CCDC192: variants seen among roughly 807,000 people sequenced by gnomAD.
CCDC192 encodes the protein coiled-coil domain containing 192.
At chr5:127,830,799 T>C (rs535577503) in intron 5 of CCDC192, among the ~76,000 whole-genome samples, 19 of 150,850 alleles carry the variant, frequency 1.3e-4, no homozygotes, top group African/African-American at 4.4e-4. Flanking sequence ...CTTCTACCCC[T>C]GTGACTTTAT....
chr5:127,804,202 TG>T (rs1580686708), intron 5 of CCDC192, among the ~76,000 whole-genome samples: 1 of 152,240 alleles, frequency 6.6e-6, no homozygotes, highest in Non-Finnish European at 1.5e-5. Context: ...ACAGAGGACA[TG>T]GCCTGTTTCC....
At position 127,875,668 on chromosome 5, in the gene CCDC192, A is replaced by G. The variant is rs1484991346; in HGVS notation, c.535+7A>G. On this transcript the variant is annotated splice_region_variant and intron_variant, in intron 6 of 6. Coordinates refer to ENST00000514853, the MANE Select transcript of CCDC192 (RefSeq NM_001317938.2). Reference sequence around the variant, plus strand: ...GGAAAGCCAGCCCCTAGAGGTCAGTATTACCACGTGACAGATCCACACTGG... The same window carrying G: ...GGAAAGCCAGCCCCTAGAGGTCAGTGTTACCACGTGACAGATCCACACTGG... 2.5e-6 allele frequency: 1 copy of G among 398,688 alleles called. No individual in the cohort carries two copies. Among genetic ancestry groups the G allele is most frequent in the Non-Finnish European group, 4.4e-6 (1 of 225,978 alleles). The allele number at this position is 398,688 out of a possible 1,614,324, so 24.7% of individuals were successfully genotyped here.
intron 2 of CCDC192, among the ~76,000 whole-genome samples, chr5:127,722,311 C>CT (rs200224246): frequency 0.084 from 12,258 of 145,668 alleles, 1,001 homozygotes; most frequent in East Asian, 0.27. Flanking sequence ...AATTAGAGTA[C>CT]TTTTTTTTTT....
intron 6 of CCDC192, among the ~76,000 whole-genome samples, chr5:127,907,578 A>T (rs1753234779): frequency 6.6e-6 from 1 of 152,214 alleles, no homozygotes; most frequent in African/African-American, 2.4e-5. Context: ...AATAAATGTT[A>T]AAGTCTGACA....
intron 6 of CCDC192, among the ~76,000 whole-genome samples, chr5:127,884,592 C>G (rs1360972611): frequency 6.6e-6 from 1 of 152,032 alleles, no homozygotes; most frequent in African/African-American, 2.4e-5. Context: ...CTTTCTAACT[C>G]CTTAGATCAA....
intron 6 of CCDC192, among the ~76,000 whole-genome samples, chr5:127,877,125 G>T (rs1442933190): frequency 1.3e-5 from 2 of 152,046 alleles, no homozygotes; most frequent in African/African-American, 4.8e-5. Flanking sequence ...TTTCAATTGC[G>T]TTTTAAACCC....
At chr5:127,722,093 G>C (rs950184735) in intron 2 of CCDC192, among the ~76,000 whole-genome samples, 13 of 152,054 alleles carry the variant, frequency 8.5e-5, no homozygotes, top group Non-Finnish European at 1.5e-4. Context: ...AGTGTATGAG[G>C]GTTCCCTTTT....
intron 5 of CCDC192, among the ~76,000 whole-genome samples, chr5:127,800,399 A>AAAAAAAAAAAAAAAC (rs1561495809): frequency 9.2e-6 from 1 of 109,252 alleles, no homozygotes; most frequent in African/African-American, 3.5e-5. Flanking sequence ...AAAAAAAAAA[A>AAAAAAAAAAAAAAAC]AACAACAACA....
intron 3 of CCDC192, among the ~76,000 whole-genome samples, chr5:127,768,356 CAT>C (rs1267500563): frequency 6.6e-6 from 1 of 152,102 alleles, no homozygotes; most frequent in African/African-American, 2.4e-5. Flanking sequence ...TGGTCACACT[CAT>C]ATAGGGAGAA....
chr5:127,883,550 T>A (rs1369413044), intron 6 of CCDC192, among the ~76,000 whole-genome samples: 2 of 152,232 alleles, frequency 1.3e-5, no homozygotes, highest in Non-Finnish European at 1.5e-5. Flanking sequence ...CTGAAAGTAT[T>A]TTCCTGAAAT....
chr5:127,779,453 G>A (rs545520100), intron 3 of CCDC192, among the ~76,000 whole-genome samples: 7 of 151,934 alleles, frequency 4.6e-5, no homozygotes, highest in East Asian at 1.9e-4. Flanking sequence ...CCGCCACCAC[G>A]CCTGGCTAAT....
intron 6 of CCDC192, among the ~76,000 whole-genome samples, chr5:127,909,347 G>A (rs763113682): frequency 2.4e-4 from 36 of 152,032 alleles, no homozygotes; most frequent in Non-Finnish European, 4.0e-4. Context: ...AAATGGGCAA[G>A]TTTAAGTTCA....
intron 6 of CCDC192, among the ~76,000 whole-genome samples, chr5:127,877,696 T>A (rs1752138224): frequency 1.3e-5 from 2 of 152,120 alleles, no homozygotes; most frequent in Non-Finnish European, 2.9e-5. Context: ...GGCCTCTGAA[T>A]TCACTTCAGA....
chr5:127,723,979 A>G (rs544595550), intron 2 of CCDC192, among the ~76,000 whole-genome samples: 2 of 152,312 alleles, frequency 1.3e-5, no homozygotes, highest in South Asian at 4.1e-4. Context: ...TACTATCTGT[A>G]CTTAGGTTCA....
intron 5 of CCDC192, among the ~76,000 whole-genome samples, chr5:127,836,264 G>A (rs959176083): frequency 5.9e-5 from 9 of 152,310 alleles, no homozygotes; most frequent in Non-Finnish European, 7.3e-5. Flanking sequence ...ACTGATACAA[G>A]AGGTGGGCTC....
intron 6 of CCDC192, chr5:127,935,494 T>C (rs1754163559): frequency 6.6e-6 from 1 of 152,212 alleles, no homozygotes; most frequent in African/African-American, 2.4e-5. Context: ...CTCCTATTCA[T>C]TGGGTCACTT....
At chr5:127,823,974 A>T (rs999181084) in intron 5 of CCDC192, among the ~76,000 whole-genome samples, 1 of 152,204 alleles carries the variant, frequency 6.6e-6, no homozygotes, top group African/African-American at 2.4e-5. Context: ...GGCCAACCAG[A>T]GGCCACATCA....
chr5:127,760,617 A>G (rs971727373), intron 3 of CCDC192, among the ~76,000 whole-genome samples: 129 of 151,676 alleles, frequency 8.5e-4, no homozygotes, highest in African/African-American at 2.8e-3. Flanking sequence ...TCTACTAAAA[A>G]ATACAAAAAA....
At chr5:127,747,538 G>A (rs2126855320) in intron 2 of CCDC192, among the ~76,000 whole-genome samples, 1 of 152,098 alleles carries the variant, frequency 6.6e-6, no homozygotes, top group African/African-American at 2.4e-5. Flanking sequence ...CCAAGTCTTT[G>A]CTATTGTGAA....
Sources: allele counts gnomAD v4.1 joint callset (sites outside exome capture counted in the v4.1 genomes callset), GRCh38; gene constraint gnomAD v4.1.1; transcripts MANE v1.5; gene names NCBI Gene and HGNC (gene_info 2026-07-23, HGNC 2026-07-21).